ROR2: variants seen among roughly 807,000 people sequenced by gnomAD.
The protein encoded by ROR2 is ROR family WNT receptor 2, also known as tyrosine-protein kinase transmembrane receptor ROR2.
Under a neutral mutation model 74.9 loss-of-function variants are expected in ROR2, and 33 were observed. The observed-to-expected ratio is 0.44, with a 90% CI of 0.33 to 0.59. ROR2 has a LOEUF of 0.59. ROR2 is among the 20% of genes least tolerant of loss of function. ROR2 has a pLI of 0.02. For synonymous variants in ROR2, 586 were observed against 558.7 expected, an observed-to-expected ratio of 1.05 and a Z score of -0.69; for missense variants, 1,216 against 1,313.8, an observed-to-expected ratio of 0.93 and a Z score of 1.15.
At chr9:91,811,302 A>T (rs997315713) in intron 1 of ROR2, among the ~76,000 whole-genome samples, 6 of 152,222 alleles carry the variant, frequency 3.9e-5, no homozygotes, top group African/African-American at 1.4e-4. Flanking sequence ...GGGGGAGCGC[A>T]GGGCCCACAT....
At chr9:91,775,988 A>G (rs879506435) in intron 1 of ROR2, among the ~76,000 whole-genome samples, 170 bp from the exon 2 acceptor site, 9 of 152,226 alleles carry the variant, frequency 5.9e-5, no homozygotes, top group Non-Finnish European at 1.3e-4. Context: ...TAGTGATATA[A>G]AGATATGATG....
chr9:91,920,188 C>T (rs949845483), intron 1 of ROR2, among the ~76,000 whole-genome samples: 4 of 152,162 alleles, frequency 2.6e-5, no homozygotes, highest in African/African-American at 9.7e-5. Context: ...TTTACTTTAA[C>T]TTTAAGCCCT....
chr9:91,818,821 T>C (rs1028386755), intron 1 of ROR2, among the ~76,000 whole-genome samples: 2 of 152,022 alleles, frequency 1.3e-5, no homozygotes, highest in African/African-American at 4.8e-5. Context: ...CTCTGGCCTC[T>C]CTTAGTTGCA....
intron 1 of ROR2, among the ~76,000 whole-genome samples, chr9:91,939,321 A>G (rs1276385606): frequency 1.3e-5 from 2 of 152,196 alleles, no homozygotes; most frequent in Admixed American, 6.5e-5. Flanking sequence ...CCAGTCCTGC[A>G]CCATTAATGC....
chr9:91,767,379 C>T (rs1318613841), intron 2 of ROR2, among the ~76,000 whole-genome samples: 1 of 152,158 alleles, frequency 6.6e-6, no homozygotes, highest in African/African-American at 2.4e-5. Context: ...AGCCGACTTA[C>T]GATTTTTAAA....
At chr9:91,928,455 T>A (rs1340537883) in intron 1 of ROR2, among the ~76,000 whole-genome samples, 3 of 152,158 alleles carry the variant, frequency 2.0e-5, no homozygotes, top group Non-Finnish European at 4.4e-5. Context: ...TGTGCCCTGG[T>A]GGCCACATAA....
intron 1 of ROR2, among the ~76,000 whole-genome samples, chr9:91,899,482 C>T (rs1224310692): frequency 3.9e-5 from 6 of 152,268 alleles, no homozygotes; most frequent in African/African-American, 1.4e-4. Context: ...CTACCAGTCC[C>T]GGTGCCTTCA....
chr9:91,892,696 T>C (rs1830451401), intron 1 of ROR2, among the ~76,000 whole-genome samples: 1 of 151,334 alleles, frequency 6.6e-6, no homozygotes, highest in Admixed American at 6.6e-5. Flanking sequence ...TTCAAGCAAT[T>C]CTCCTGCCTC....
chr9:91,817,198 C>T (rs1011312432), intron 1 of ROR2, among the ~76,000 whole-genome samples: 1 of 152,172 alleles, frequency 6.6e-6, no homozygotes, highest in African/African-American at 2.4e-5. Flanking sequence ...TCTCAGCCAA[C>T]CTGACTTTAC....
At chr9:91,857,076 A>C (rs1018775250) in intron 1 of ROR2, among the ~76,000 whole-genome samples, 26 of 152,162 alleles carry the variant, frequency 1.7e-4, no homozygotes, top group Admixed American at 1.7e-3. Flanking sequence ...CCAGGTGCCC[A>C]TGCACACTTA....
chr9:91,902,527 C>T (rs995063070), intron 1 of ROR2, among the ~76,000 whole-genome samples: 6 of 152,102 alleles, frequency 3.9e-5, no homozygotes, highest in Admixed American at 6.5e-5. Flanking sequence ...CGCCTGAGAC[C>T]TCCTGAACTG....
At chr9:91,810,655 C>T (rs984090449) in intron 1 of ROR2, among the ~76,000 whole-genome samples, 1 of 152,202 alleles carries the variant, frequency 6.6e-6, no homozygotes, top group South Asian at 2.1e-4. Flanking sequence ...CGGTCACTCT[C>T]GGCAGAGGCT....
intron 1 of ROR2, among the ~76,000 whole-genome samples, chr9:91,937,908 G>A (rs1316595261): frequency 6.6e-6 from 1 of 152,084 alleles, no homozygotes; most frequent in Non-Finnish European, 1.5e-5. Context: ...TGTAGAAACA[G>A]GGTCTTGCTA....
intron 1 of ROR2, among the ~76,000 whole-genome samples, chr9:91,891,698 C>A (rs1349895459): frequency 1.3e-5 from 2 of 152,162 alleles, no homozygotes; most frequent in African/African-American, 4.8e-5. Flanking sequence ...GGGCTGCAGC[C>A]CCTCTCGGCT....
At chr9:91,744,804 G>A (rs906824020) in intron 4 of ROR2, among the ~76,000 whole-genome samples, 4 of 152,180 alleles carry the variant, frequency 2.6e-5, no homozygotes, top group Non-Finnish European at 4.4e-5. Flanking sequence ...TGGCTCTGAG[G>A]GTGCCAGTTC....
At chr9:91,802,366 G>A (rs143539216) in intron 1 of ROR2, among the ~76,000 whole-genome samples, 8 of 152,146 alleles carry the variant, frequency 5.3e-5, no homozygotes, top group Non-Finnish European at 7.4e-5. Flanking sequence ...GTGAGCCACC[G>A]CGCCTGGCCA....
intron 1 of ROR2, among the ~76,000 whole-genome samples, chr9:91,866,311 G>C (rs1829629770): frequency 6.6e-6 from 1 of 151,852 alleles, no homozygotes; most frequent in Non-Finnish European, 1.5e-5. Context: ...GTAGAGACAA[G>C]GTTTCACCAT....
chr9:91,744,793 A>C (rs1289844675), intron 4 of ROR2, among the ~76,000 whole-genome samples: 1 of 152,226 alleles, frequency 6.6e-6, no homozygotes, highest in Non-Finnish European at 1.5e-5. Flanking sequence ...AGAGAAGACA[A>C]TGGCTCTGAG....
At chr9:91,807,120 G>A (rs1044538559) in intron 1 of ROR2, among the ~76,000 whole-genome samples, 2 of 152,206 alleles carry the variant, frequency 1.3e-5, no homozygotes, top group Non-Finnish European at 2.9e-5. Flanking sequence ...GCTACATAGA[G>A]AGGCCAGGAA....
Sources: allele counts gnomAD v4.1 joint callset (sites outside exome capture counted in the v4.1 genomes callset), GRCh38; gene constraint gnomAD v4.1.1; transcripts MANE v1.5; gene names NCBI Gene and HGNC (gene_info 2026-07-23, HGNC 2026-07-21).